The following NEB variants were observed in gnomAD, a reference collection of about 807,000 sequenced individuals.
NEB encodes the protein nemaline myopathy type 2.
A neutral mutation model predicts 952.2 loss-of-function variants in NEB; 512 were observed. The observed-to-expected ratio is 0.54, with a 90% CI of 0.50 to 0.58. The LOEUF is 0.58. NEB is among the 20% of genes least tolerant of loss of function. The probability of loss-of-function intolerance (pLI) is 0.00; values close to 1 mark genes in which losing one functional copy is unlikely to be tolerated. For synonymous variants in NEB, 2,900 were observed against 3,149.8 expected, an observed-to-expected ratio of 0.92 and a Z score of 2.66; for missense variants, 8,428 against 9,231.1, an observed-to-expected ratio of 0.91 and a Z score of 3.56.
In NEB at chr2:151,655,141, T is replaced by C; in HGVS notation, c.6807+129A>G. ...TTAAGCACTCTATTTTGCAACATCC[T>C]GGGCTAATCAGTGTGTCATTTCCAA... On this transcript the variant is annotated intron_variant, in intron 51 of 181. Transcript: ENST00000397345. The C allele has an allele frequency of 5.5e-6, 3 of 548,118 alleles. No homozygotes were observed. In the Admixed American group the frequency reaches 9.1e-5, roughly 17 times the overall value. The allele number at this position is 548,118 out of a possible 1,614,324, so 34.0% of individuals were successfully genotyped here.
At chr2:151,570,459 GA>G (rs755252809) in intron 108 of NEB, 37 bp downstream of exon 108, 1,613 of 1,243,346 alleles carry the variant, frequency 1.3e-3, no homozygotes, top group Admixed American at 3.1e-3. Context: ...GGCATCGGCT[GA>G]AAAAAAAAAA....
chr2:151,494,553 G>A (rs890658259), intron 173 of NEB, among the ~76,000 whole-genome samples: 2 of 152,174 alleles, frequency 1.3e-5, no homozygotes, highest in African/African-American at 4.8e-5. Flanking sequence ...GCCCCTGAGA[G>A]ATGATCCAAA....
At chr2:151,551,503 T>C (rs1368361448) in intron 129 of NEB, among the ~76,000 whole-genome samples, 1 of 152,232 alleles carries the variant, frequency 6.6e-6, no homozygotes, top group Non-Finnish European at 1.5e-5. Flanking sequence ...CTTTCTTCTT[T>C]GTAACTTGTA....
rs368887173 is a variant in NEB at position 151,535,733 on chromosome 2, C to T, written c.21270G>A (p.Pro7090=). The T allele has an allele frequency of 5.6e-6, 9 of 1,609,442 alleles. No homozygotes were observed. The highest frequency in any genetic ancestry group is 3.4e-5 in the Admixed American group (2 of 59,664). The change falls in exon 142 of 182, where the codon CCG becomes CCA. Residue 7090 remains proline (P), a synonymous_variant. Transcript: ENST00000397345. The stretch of plus-strand genomic sequence containing the variant: ...TTGCATACTTGAAATGCCTATTGAT[C>T]GGAGAGTCGGCAACATACTTGAAAT... The part of the protein sequence containing the change: ...KSDFKYVADS[P]INRHFKYATQ...
chr2:151,576,854 C>G (rs1292182721), intron 105 of NEB, among the ~76,000 whole-genome samples: 1 of 151,896 alleles, frequency 6.6e-6, no homozygotes, highest in African/African-American at 2.4e-5. Flanking sequence ...TTATCTTCCA[C>G]AAACAATAAT....
chr2:151,506,863 G>T, intron 163 of NEB, 46 bp downstream of exon 163: 1 of 1,241,800 alleles, frequency 8.1e-7, no homozygotes, highest in Non-Finnish European at 1.2e-6. Flanking sequence ...AGAGGAGAGT[G>T]AAATGACTAG....
intron 119 of NEB, among the ~76,000 whole-genome samples, 154 bp from the exon 120 acceptor site, chr2:151,562,962 A>G (rs1159820697): frequency 6.8e-6 from 1 of 147,884 alleles, no homozygotes; most frequent in Non-Finnish European, 1.5e-5. Flanking sequence ...CTTTATATAT[A>G]TATACTTTAT....
intron 151 of NEB, 23 bp downstream of exon 151, chr2:151,525,140 G>T: frequency 1.3e-6 from 2 of 1,533,070 alleles, no homozygotes; most frequent in Non-Finnish European, 1.8e-6. Flanking sequence ...GGGCCCCCAA[G>T]AGTGTTGAGA....
chr2:151,721,565 G>A (rs1430641849), intron 9 of NEB, among the ~76,000 whole-genome samples: 1 of 152,146 alleles, frequency 6.6e-6, no homozygotes, highest in Non-Finnish European at 1.5e-5. Flanking sequence ...CTTGTAGCAA[G>A]TATTAGACTG....
At position 151,697,329 on chromosome 2, in the gene NEB, A is replaced by G. The variant is rs1380164723; in HGVS notation, c.1365+21T>C. The G allele has an allele frequency of 7.4e-6, 12 of 1,611,976 alleles. No homozygotes were observed. The Admixed American group carries it at 2.0e-4, about 27-fold the overall frequency. On this transcript the variant is annotated intron_variant, in intron 15 of 181. Coordinates refer to ENST00000397345, the MANE Select transcript of NEB (RefSeq NM_001164508.2). ...GAGAAAAATGTTATTTGGAAAGTCA[A>G]ACAATTGTCTTAGAACTTACATCAC...
At chr2:151,489,888 C>A (rs1471981979) in intron 181 of NEB, 83 bp downstream of exon 181, 6 of 1,042,350 alleles carry the variant, frequency 5.8e-6, no homozygotes, top group Non-Finnish European at 7.3e-6. Flanking sequence ...TTAAAAAAAA[C>A]CGTAATACCT....
chr2:151,553,524 G>C, intron 126 of NEB, 22 bp from the exon 127 acceptor site: 1 of 1,512,376 alleles, frequency 6.6e-7, no homozygotes, highest in Non-Finnish European at 9.1e-7. Context: ...TGATAGAAAG[G>C]ATCAGAAAAA....
At chr2:151,492,330 T>A (rs766362495) in intron 177 of NEB, 49 bp from the exon 178 acceptor site, 4 of 1,594,298 alleles carry the variant, frequency 2.5e-6, no homozygotes, top group Non-Finnish European at 3.4e-6. Context: ...TGTGACTATA[T>A]CCCTTTTTAC....
At chr2:151,508,836 T>C (rs1375098089) in intron 161 of NEB, among the ~76,000 whole-genome samples, 1 of 152,246 alleles carries the variant, frequency 6.6e-6, no homozygotes, top group Non-Finnish European at 1.5e-5. Flanking sequence ...CGTGTCCATA[T>C]AGAGGCTGCT....
At position 151,672,386 on chromosome 2, in the gene NEB, T is replaced by G; in HGVS notation, c.4282A>C (p.Asn1428His). ...ATACTTACATCACTCTGAATTTGAT[T>G]GACATTCCTCGTATGCTCAAGACTC... ...AMSLEHTRNV[N>H]QIQSDNVYKD... is the part of the protein sequence containing the mutation. Residue 1428 changes from asparagine to histidine, a missense_variant, in exon 37 of 182, where the codon AAT becomes CAT. This residue lies in a region of NEB where 2,851 missense variants were observed against 2,791.5 expected (regional missense o/e 1.02). Coordinates refer to ENST00000397345, the MANE Select transcript of NEB (RefSeq NM_001164508.2). 6.3e-7 allele frequency: 1 copy of G among 1,599,840 alleles called. No individual in the cohort carries two copies. Among genetic ancestry groups the G allele is most frequent in the East Asian group, 2.2e-5 (1 of 44,642 alleles).
chr2:151,491,656 G>A (rs755072735), intron 179 of NEB, 27 bp downstream of exon 179: 4 of 1,506,444 alleles, frequency 2.7e-6, no homozygotes, highest in Non-Finnish European at 3.6e-6. Flanking sequence ...TGATGTTTAT[G>A]TTGTAAGCCT....
intron 4 of NEB, 143 bp downstream of exon 4, chr2:151,729,472 C>A (rs1342992594): frequency 2.2e-6 from 2 of 925,880 alleles, no homozygotes; most frequent in Admixed American, 2.4e-5. Context: ...GCTTTCACAC[C>A]AGCTTCTGGG....
Position 151,679,848 on chromosome 2 carries a change from T to G in NEB, c.3148-20A>C. 6.2e-7 allele frequency: 1 copy of G among 1,611,106 alleles called. No homozygotes were observed. Among genetic ancestry groups the G allele is most frequent in the Non-Finnish European group, 8.5e-7 (1 of 1,177,220 alleles). On this transcript the variant is annotated intron_variant, in intron 31 of 181. Transcript: ENST00000397345. ...CATATTCTGAAAGAAAAATGTCATTTAAGTACAACTTAGAGACTGTGTTAG... is the reference window on the plus strand; with the variant it reads ...CATATTCTGAAAGAAAAATGTCATTGAAGTACAACTTAGAGACTGTGTTAG...
At chr2:151,708,659 C>T (rs1275834467) in intron 12 of NEB, among the ~76,000 whole-genome samples, 3 of 152,172 alleles carry the variant, frequency 2.0e-5, no homozygotes, top group Non-Finnish European at 4.4e-5. Flanking sequence ...ATATATCTCC[C>T]CTGAAACTTC....
Sources: gnomAD v4.1 joint callset for allele counts (sites outside exome capture counted in the v4.1 genomes callset) on GRCh38, gnomAD v4.1.1 for gene constraint, gnomAD v4.1.1 regional missense constraint, MANE v1.5 for transcripts, NCBI Gene and HGNC (gene_info 2026-07-23, HGNC 2026-07-21) for gene names.